Variants in PTPRD observed in about 807,000 individuals in gnomAD.
PTPRD encodes protein tyrosine phosphatase receptor type D.
A neutral mutation model predicts 214.5 loss-of-function variants in PTPRD; 34 were observed. The observed-to-expected ratio is 0.16, with a 90% CI of 0.12 to 0.21. The LOEUF (loss-of-function observed/expected upper bound fraction) is 0.21, where lower values mean the gene tolerates loss of function less well. Among genes scored for constraint, PTPRD ranks in the 10% least tolerant of loss-of-function variants. The probability of loss-of-function intolerance (pLI) is 1.00; values close to 1 mark genes in which losing one functional copy is unlikely to be tolerated. For synonymous variants in PTPRD, 1,128 were observed against 845.7 expected, an observed-to-expected ratio of 1.33 and a Z score of -5.79; for missense variants, 2,545 against 2,398.7, an observed-to-expected ratio of 1.06 and a Z score of -1.27.
At chr9:9,353,539 C>G (rs371686154) in intron 9 of PTPRD, among the ~76,000 whole-genome samples, 1 of 151,360 alleles carries the variant, frequency 6.6e-6, no homozygotes, top group African/African-American at 2.4e-5. Context: ...AAAATGCGGT[C>G]ATTTAATTTT....
At chr9:10,044,060 T>C (rs967020943) in intron 3 of PTPRD, among the ~76,000 whole-genome samples, 5 of 151,732 alleles carry the variant, frequency 3.3e-5, no homozygotes, top group African/African-American at 1.2e-4. Flanking sequence ...AGGAGGTCTG[T>C]CTCAGGAATG....
intron 9 of PTPRD, among the ~76,000 whole-genome samples, chr9:9,301,938 T>C (rs1955475631): frequency 6.6e-6 from 1 of 151,832 alleles, no homozygotes; most frequent in South Asian, 2.1e-4. Context: ...AAGATACGCA[T>C]TTGTTTGTTG....
intron 3 of PTPRD, among the ~76,000 whole-genome samples, chr9:10,170,296 C>A (rs557722969): frequency 6.6e-6 from 1 of 152,092 alleles, no homozygotes; most frequent in Non-Finnish European, 1.5e-5. Context: ...CTGGCAAGGT[C>A]CCTTCTGATG....
At chr9:8,608,877 G>A (rs2095339413) in intron 14 of PTPRD, among the ~76,000 whole-genome samples, 1 of 152,152 alleles carries the variant, frequency 6.6e-6, no homozygotes, top group Admixed American at 6.5e-5. Flanking sequence ...AAGGATAAGT[G>A]GCCCAAAGAG....
At chr9:9,487,068 T>C (rs1465612022) in intron 8 of PTPRD, among the ~76,000 whole-genome samples, 1 of 152,172 alleles carries the variant, frequency 6.6e-6, no homozygotes, top group Non-Finnish European at 1.5e-5. Flanking sequence ...TTTTTTATTA[T>C]TATTATGATA....
At chr9:9,164,552 G>C (rs1351966798) in intron 10 of PTPRD, among the ~76,000 whole-genome samples, 1 of 152,086 alleles carries the variant, frequency 6.6e-6, no homozygotes, top group Non-Finnish European at 1.5e-5. Flanking sequence ...GTATTATACT[G>C]CCTTTCATAC....
intron 8 of PTPRD, among the ~76,000 whole-genome samples, chr9:9,431,862 T>G (rs956491556): frequency 8.0e-6 from 1 of 124,944 alleles, no homozygotes; most frequent in African/African-American, 3.1e-5. Flanking sequence ...ATGAGAACAC[T>G]TGGACACAGG....
At chr9:10,141,599 A>C (rs2098985551) in intron 3 of PTPRD, among the ~76,000 whole-genome samples, 1 of 152,054 alleles carries the variant, frequency 6.6e-6, no homozygotes, top group Admixed American at 6.6e-5. Flanking sequence ...ACGAAATAAA[A>C]GAGGATACAA....
chr9:9,335,323 C>G (rs1476148668), intron 9 of PTPRD, among the ~76,000 whole-genome samples: 2 of 152,002 alleles, frequency 1.3e-5, no homozygotes, highest in Non-Finnish European at 2.9e-5. Flanking sequence ...GAAGGATAAA[C>G]TCTGAATGTT....
chr9:9,938,441 T>C (rs560038331), intron 5 of PTPRD, 66 bp downstream of exon 5: 1 of 152,130 alleles, frequency 6.6e-6, no homozygotes, highest in African/African-American at 2.4e-5. Context: ...ATTCTGTAGA[T>C]AGAAGTCCAA....
intron 9 of PTPRD, among the ~76,000 whole-genome samples, chr9:9,359,044 G>C (rs2054963481): frequency 6.6e-6 from 1 of 151,272 alleles, no homozygotes; most frequent in South Asian, 2.1e-4. Context: ...AAGCAGAACA[G>C]CTAATGATCC....
intron 7 of PTPRD, among the ~76,000 whole-genome samples, chr9:9,687,896 G>A (rs996948166): frequency 6.6e-6 from 1 of 151,768 alleles, no homozygotes; most frequent in Non-Finnish European, 1.5e-5. Context: ...ATCTCGAATT[G>A]TAATCCCAAT....
At chr9:8,973,273 C>T (rs79076140) in intron 11 of PTPRD, among the ~76,000 whole-genome samples, 4,119 of 151,956 alleles carry the variant, frequency 0.027, 177 homozygotes, top group African/African-American at 0.091. Context: ...TATGTCCCTG[C>T]GCGCTCAATG....
chr9:9,837,381 A>T (rs2153624055), intron 5 of PTPRD, among the ~76,000 whole-genome samples: 1 of 152,252 alleles, frequency 6.6e-6, no homozygotes, highest in Middle Eastern at 3.4e-3. Context: ...TTGCATGGCT[A>T]ATGTTCTAGA....
chr9:10,428,766 T>C (rs2098649253), intron 2 of PTPRD, among the ~76,000 whole-genome samples: 1 of 152,052 alleles, frequency 6.6e-6, no homozygotes, highest in African/African-American at 2.4e-5. Flanking sequence ...GAATAATGAG[T>C]GACTGTATTT....
chr9:9,180,311 A>G (rs111977734), intron 10 of PTPRD, among the ~76,000 whole-genome samples: 2,633 of 151,890 alleles, frequency 0.017, 82 homozygotes, highest in African/African-American at 0.062. Context: ...CATGGATGAA[A>G]CTGGAAACCA....
intron 2 of PTPRD, among the ~76,000 whole-genome samples, chr9:10,445,854 T>A (rs756756585): frequency 3.3e-5 from 5 of 151,870 alleles, no homozygotes; most frequent in Admixed American, 2.0e-4. Flanking sequence ...AGTTTAGTGC[T>A]AAAAAAAACT....
intron 7 of PTPRD, among the ~76,000 whole-genome samples, chr9:9,709,405 A>G (rs10733553): frequency 0.38 from 57,850 of 151,804 alleles, 11,951 homozygotes; most frequent in East Asian, 0.68. Context: ...TGTGGTAAAG[A>G]CATACATGTT....
At chr9:10,083,743 T>C (rs990974549) in intron 3 of PTPRD, among the ~76,000 whole-genome samples, 1 of 151,542 alleles carries the variant, frequency 6.6e-6, no homozygotes, top group Non-Finnish European at 1.5e-5. Context: ...TGGATGAGGA[T>C]CATCAGGCTT....
Sources: allele counts gnomAD v4.1 joint callset (sites outside exome capture counted in the v4.1 genomes callset), GRCh38; gene constraint gnomAD v4.1.1; transcripts MANE v1.5; gene names NCBI Gene and HGNC (gene_info 2026-07-23, HGNC 2026-07-21).